Variants in CES5A observed in about 807,000 individuals in gnomAD.
CES5A encodes the protein carboxylesterase 5A.
In CES5A, 67 loss-of-function variants were observed where a neutral mutation model predicts 62.9. The observed-to-expected ratio is 1.07, with a 90% CI of 0.88 to 1.31. The LOEUF is 1.31. CES5A is among the 50% of genes most tolerant of loss of function. The pLI, the probability that CES5A is intolerant of heterozygous loss-of-function variation, is 0.00. For synonymous variants in CES5A, 296 were observed against 280.8 expected (o/e 1.05, Z -0.54); for missense variants, 748 against 708.5 (o/e 1.06, Z -0.63).
At position 55,863,450 on chromosome 16, in the gene CES5A, T is replaced by A; in HGVS notation, c.708A>T (p.Ile236=). 3 of 1,540,610 alleles carry A rather than the reference T, an allele frequency of 1.9e-6. No homozygotes were observed. Among genetic ancestry groups the A allele is most frequent in the Non-Finnish European group, 2.7e-6 (3 of 1,114,748 alleles). The stretch of plus-strand genomic sequence containing the variant: ...ATAAGCCTTTGGCCATGGGAGACAG[T>A]ATCTGGAGAGAGAACACAGAAGACC... ...SAGAISVSSL[I]LSPMAKGLFH... Residue 236 remains isoleucine (I), a splice_region_variant and synonymous_variant, in exon 6 of 13, where the codon ATA becomes ATT. Transcript: ENST00000290567.
intron 1 of CES5A, among the ~76,000 whole-genome samples, chr16:55,900,376 C>A (rs1454037474): frequency 6.6e-6 from 1 of 152,166 alleles, no homozygotes; most frequent in African/African-American, 2.4e-5. Context: ...CTAAGACACA[C>A]AACATTGATC....
chr16:55,889,149 AG>A (rs2033847594), intron 1 of CES5A, among the ~76,000 whole-genome samples: 1 of 151,854 alleles, frequency 6.6e-6, no homozygotes, highest in Non-Finnish European at 1.5e-5. Flanking sequence ...AAAAAAAAAA[AG>A]GTATTTTTTC....
At chr16:55,894,865 G>GA (rs201968227) in intron 1 of CES5A, among the ~76,000 whole-genome samples, 2 of 151,878 alleles carry the variant, frequency 1.3e-5, no homozygotes, top group African/African-American at 2.4e-5. Flanking sequence ...GATCCCAGTG[G>GA]AAAAAAGAGT....
intron 1 of CES5A, among the ~76,000 whole-genome samples, chr16:55,900,636 CA>C (rs2033981185): frequency 6.6e-6 from 1 of 152,150 alleles, no homozygotes; most frequent in South Asian, 2.1e-4. Context: ...TTCTGCTTGT[CA>C]GGGCTGAGAA....
intron 2 of CES5A, among the ~76,000 whole-genome samples, chr16:55,938,418 A>G (rs1336881094): frequency 6.6e-6 from 1 of 152,026 alleles, no homozygotes; most frequent in African/African-American, 2.4e-5. Flanking sequence ...CCTAGGGCTT[A>G]AGGGGGCAAT....
chr16:55,917,792 A>G (rs2034162654), intron 1 of CES5A, among the ~76,000 whole-genome samples: 1 of 152,176 alleles, frequency 6.6e-6, no homozygotes, highest in South Asian at 2.1e-4. Flanking sequence ...ACAGCAGGAC[A>G]CAGGGGTCAC....
chr16:55,866,160 G>T (rs1266346369), intron 4 of CES5A, 44 bp from the exon 5 acceptor site: 2 of 1,581,610 alleles, frequency 1.3e-6, no homozygotes, highest in Non-Finnish European at 1.7e-6. Flanking sequence ...CAGCCATGGT[G>T]TGTTTCCCAC....
In CES5A at chr16:55,852,887, G is replaced by A. The variant is rs201216412; in HGVS notation, c.1267C>T (p.His423Tyr). Residue 423 changes from histidine to tyrosine, a missense_variant, in exon 10 of 13, where the codon CAC (histidine) becomes TAC (tyrosine). His to Tyr is a moderately conservative substitution (Grantham distance 83, BLOSUM62 2). Transcript: ENST00000290567. ...VVPALITARYHRDAGAPVYFY... is the reference protein window; with the variant it reads ...VVPALITARYYRDAGAPVYFY... ...GGGATGCTCAGATACTCACCTCTGT[G>A]ATATCGAGCTGTGATCAGTGCAGGG... The A allele has an allele frequency of 2.9e-5, 46 of 1,612,978 alleles. No individual in the cohort carries two copies. In the East Asian group the frequency reaches 1.0e-3, roughly 36 times the overall value.
intron 1 of CES5A, among the ~76,000 whole-genome samples, chr16:55,896,159 G>C (rs780847897): frequency 6.6e-6 from 1 of 152,168 alleles, no homozygotes; most frequent in Non-Finnish European, 1.5e-5. Context: ...ATCTTACATG[G>C]TGGCAGGCAA....
At chr16:55,934,657 G>GGTGTGTGT (rs758446998) in intron 2 of CES5A, among the ~76,000 whole-genome samples, 2 of 135,532 alleles carry the variant, frequency 1.5e-5, no homozygotes, top group African/African-American at 5.8e-5. Flanking sequence ...AATTGTGTGG[G>GGTGTGTGT]GTGTGTGTGT....
At chr16:55,884,010 G>A (rs1338406745) in intron 1 of CES5A, among the ~76,000 whole-genome samples, 1 of 152,142 alleles carries the variant, frequency 6.6e-6, no homozygotes, top group African/African-American at 2.4e-5. Context: ...CAGAATCTGT[G>A]TCCATTAGTC....
At chr16:55,860,749 G>T (rs1399332902) in intron 7 of CES5A, among the ~76,000 whole-genome samples, 3 of 152,154 alleles carry the variant, frequency 2.0e-5, no homozygotes, top group Non-Finnish European at 2.9e-5. Flanking sequence ...TCAGGTCCAG[G>T]ACTTATTATC....
chr16:55,875,069 G>T (rs2033669389), intron 1 of CES5A, 80 bp downstream of exon 1: 1 of 1,399,942 alleles, frequency 7.1e-7, no homozygotes, highest in South Asian at 1.2e-5. Context: ...GACCTCTGAA[G>T]AATAACTTCA....
intron 1 of CES5A, among the ~76,000 whole-genome samples, chr16:55,953,133 G>C (rs2034576014): frequency 6.6e-6 from 1 of 152,140 alleles, no homozygotes; most frequent in African/African-American, 2.4e-5. Context: ...ACTGTCAACT[G>C]ATGCTAAAAT....
At chr16:55,853,620 G>A (rs1267773735) in intron 9 of CES5A, among the ~76,000 whole-genome samples, 1 of 152,156 alleles carries the variant, frequency 6.6e-6, no homozygotes, top group Non-Finnish European at 1.5e-5. Context: ...AGGATTATAT[G>A]AGATGTGAAG....
At position 55,920,315 on chromosome 16, in the gene CES5A, T is replaced by C. The variant is rs375237720; in HGVS notation, c.-256+5008A>G. ...AACTTCTCCACCATCTTGGGTTCTC[T>C]GACAGGAGACCTCTCCTTACCTTAA... On this transcript the variant is annotated intron_variant, in intron 1 of 12. Transcript: ENST00000518005. Among the ~76,000 whole-genome samples, 16 of 152,324 alleles carry C rather than the reference T, an allele frequency of 1.1e-4. No homozygotes were observed. In the East Asian group the frequency reaches 2.7e-3, roughly 26 times the overall value.
intron 9 of CES5A, among the ~76,000 whole-genome samples, chr16:55,853,401 T>C (rs1409222548): frequency 6.6e-6 from 1 of 152,152 alleles, no homozygotes; most frequent in Non-Finnish European, 1.5e-5. Context: ...GTTCAAAAAA[T>C]CATTAAGAAT....
At chr16:55,929,921 C>T (rs983811406), upstream of CES5A, among the ~76,000 whole-genome samples, 1 of 152,150 alleles carries the variant, frequency 6.6e-6, no homozygotes, top group Non-Finnish European at 1.5e-5. Flanking sequence ...TTGCTCTCCT[C>T]AGCTTAATCT....
At chr16:55,861,373 G>T (rs12446482) in intron 7 of CES5A, 39 bp downstream of exon 7, 78,791 of 1,161,838 alleles carry the variant, frequency 0.068, 4,359 homozygotes, top group East Asian at 0.22. Context: ...TCCGTTCGAA[G>T]GGCAAGCCTG....
Sources: gnomAD v4.1 joint callset for allele counts (sites outside exome capture counted in the v4.1 genomes callset) on GRCh38, gnomAD v4.1.1 for gene constraint, MANE v1.5 for transcripts, NCBI Gene and HGNC (gene_info 2026-07-23, HGNC 2026-07-21) for gene names.